Variants in COL19A1 observed in about 807,000 individuals in gnomAD.
COL19A1 encodes collagen alpha-1(XIX) chain.
A neutral mutation model predicts 190.2 loss-of-function variants in COL19A1; 159 were observed. The observed-to-expected ratio is 0.84, with a 90% confidence interval of 0.73 to 0.95. The LOEUF (loss-of-function observed/expected upper bound fraction) is 0.95, where lower values mean the gene tolerates loss of function less well. Ranked by LOEUF, COL19A1 falls within the 40% of genes least tolerant of loss-of-function variation. The probability of loss-of-function intolerance (pLI) is 0.00; values close to 1 mark genes in which losing one functional copy is unlikely to be tolerated. For missense variants in COL19A1, 1,418 were observed against 1,431.9 expected, an observed-to-expected ratio of 0.99 and a Z score of 0.16; for synonymous variants, 509 against 458.9, an observed-to-expected ratio of 1.11 and a Z score of -1.39.
chr6:70,200,832 T>C (rs1260064110), intron 49 of COL19A1, among the ~76,000 whole-genome samples: 1 of 152,182 alleles, frequency 6.6e-6, no homozygotes, highest in Non-Finnish European at 1.5e-5. Flanking sequence ...CCTATGACCA[T>C]GATTGCCAAG....
At position 70,107,617 on chromosome 6, in the gene COL19A1, T is replaced by A. The variant is rs144479914; in HGVS notation, c.1278+5395T>A. Among the ~76,000 whole-genome samples the A allele has an allele frequency of 2.0e-3, 299 of 152,314 alleles. 3 individuals are homozygous for A. Among genetic ancestry groups the A allele is most frequent in the African/African-American group, 6.9e-3 (288 of 41,586 alleles). The stretch of plus-strand genomic sequence containing the variant: ...CAATCAGTAATTAAACCAACACTTC[T>A]TTTCTCTCTTTACAGTTCTCCAAAA... On this transcript the variant is annotated intron_variant, in intron 16 of 50. Coordinates refer to ENST00000620364, the MANE Select transcript of COL19A1 (RefSeq NM_001858.6).
In COL19A1 at chr6:70,158,681, A is replaced by G. The variant is rs1183047460; in HGVS notation, c.2292+1958A>G. Reference sequence around the variant, plus strand: ...AATATCTTGGGATAATAATTGATAAATTAGACATGAAAAATATCATCAGCC... The same window carrying G: ...AATATCTTGGGATAATAATTGATAAGTTAGACATGAAAAATATCATCAGCC... On this transcript the variant is annotated intron_variant, in intron 34 of 50. Coordinates refer to ENST00000620364, the MANE Select transcript of COL19A1 (RefSeq NM_001858.6). 5.3e-5 allele frequency among the ~76,000 whole-genome samples: 8 copies of G among 152,218 alleles called. No homozygotes were observed. In the South Asian group the frequency reaches 1.7e-3, roughly 32 times the overall value.
intron 14 of COL19A1, among the ~76,000 whole-genome samples, chr6:70,051,612 A>G (rs1780206314): frequency 6.6e-6 from 1 of 152,160 alleles, no homozygotes; most frequent in Admixed American, 6.6e-5. Flanking sequence ...AAGCAAATCT[A>G]TCCTTGCTTT....
At chr6:69,921,453 A>G in intron 4 of COL19A1, among the ~76,000 whole-genome samples, 1 of 123,162 alleles carries the variant, frequency 8.1e-6, no homozygotes, top group South Asian at 2.4e-4. Flanking sequence ...ATCATATATC[A>G]TATATATCAT....
At chr6:70,023,744 G>T in intron 12 of COL19A1, 64 bp downstream of exon 12, 1 of 1,463,286 alleles carries the variant, frequency 6.8e-7, no homozygotes. Flanking sequence ...GCTATTTAAT[G>T]CTATTAAGAT....
intron 4 of COL19A1, among the ~76,000 whole-genome samples, chr6:69,907,212 C>T (rs1475163199): frequency 1.3e-5 from 2 of 151,248 alleles, no homozygotes; most frequent in African/African-American, 4.9e-5. Flanking sequence ...TCACTGCAAC[C>T]TCCACCTCCC....
chr6:70,117,771 A>G (rs111756389), intron 16 of COL19A1, among the ~76,000 whole-genome samples: 114 of 152,330 alleles, frequency 7.5e-4, no homozygotes, highest in African/African-American at 2.7e-3. Flanking sequence ...TCCCATACAA[A>G]TAGAGTGAAG....
chr6:70,116,066 A>G (rs1190984854), intron 16 of COL19A1, among the ~76,000 whole-genome samples: 2 of 152,104 alleles, frequency 1.3e-5, no homozygotes, highest in East Asian at 1.9e-4. Context: ...TCTAAAGAAC[A>G]TTATTGATTT....
chr6:70,104,400 T>G (rs1308864963), intron 16 of COL19A1, among the ~76,000 whole-genome samples: 2 of 152,082 alleles, frequency 1.3e-5, no homozygotes, highest in African/African-American at 2.4e-5. Flanking sequence ...AGAGCGAGTG[T>G]GAAGCGGGAA....
intron 15 of COL19A1, among the ~76,000 whole-genome samples, chr6:70,084,526 ATC>A (rs1488068495): frequency 6.6e-6 from 1 of 152,232 alleles, no homozygotes. Context: ...GTAGAGGAAA[ATC>A]AGTGTCGTCA....
At chr6:70,181,418 C>T (rs1766166022) in intron 44 of COL19A1, among the ~76,000 whole-genome samples, 1 of 152,072 alleles carries the variant, frequency 6.6e-6, no homozygotes, top group South Asian at 2.1e-4. Context: ...ATTTCCAGTG[C>T]CTGGCTATGG....
chr6:69,973,578 C>G (rs1359139608), intron 11 of COL19A1, among the ~76,000 whole-genome samples: 1 of 151,822 alleles, frequency 6.6e-6, no homozygotes, highest in Non-Finnish European at 1.5e-5. Flanking sequence ...GAGGTTTATA[C>G]ACACAGGGTT....
rs539984185 is a variant in COL19A1, at chr6:69,952,468, G to A, written c.937-7528G>A. ...ATCAAAAACAAAATTGTTTAACTTA[G>A]TACCATGGCTTTATAAAAATATAAA... On this transcript the variant is annotated intron_variant, in intron 9 of 50. Transcript: ENST00000620364. 7.9e-5 allele frequency among the ~76,000 whole-genome samples: 12 copies of A among 151,366 alleles called. No individual in the cohort carries two copies. The South Asian group carries it at 8.4e-4, about 11-fold the overall frequency.
At chr6:70,053,838 C>A (rs1192472753) in intron 14 of COL19A1, among the ~76,000 whole-genome samples, 1 of 152,060 alleles carries the variant, frequency 6.6e-6, no homozygotes, top group Non-Finnish European at 1.5e-5. Context: ...TTATTTAGTG[C>A]ATGTATTACC....
At chr6:70,174,005 A>G (rs1765655768) in intron 41 of COL19A1, among the ~76,000 whole-genome samples, 1 of 152,156 alleles carries the variant, frequency 6.6e-6, no homozygotes, top group African/African-American at 2.4e-5. Flanking sequence ...AGGATAGTTT[A>G]TCTACAGTAA....
intron 49 of COL19A1, among the ~76,000 whole-genome samples, chr6:70,204,971 TA>T (rs1767771324): frequency 1.3e-5 from 2 of 152,172 alleles, no homozygotes; most frequent in Non-Finnish European, 2.9e-5. Context: ...TCACATACGT[TA>T]AATGAAAGTC....
intron 4 of COL19A1, among the ~76,000 whole-genome samples, chr6:69,916,675 G>A (rs1771330416): frequency 6.6e-6 from 1 of 152,168 alleles, no homozygotes; most frequent in Non-Finnish European, 1.5e-5. Context: ...ATATTATAGT[G>A]TGATTGTAAA....
chr6:70,125,491 C>T (rs1165369563), intron 17 of COL19A1, among the ~76,000 whole-genome samples: 4 of 152,148 alleles, frequency 2.6e-5, no homozygotes, highest in Non-Finnish European at 5.9e-5. Flanking sequence ...TGATCTTTTC[C>T]TCTGCTATTT....
Position 69,929,528 on chromosome 6 carries a change from C to G in COL19A1, c.494C>G (p.Pro165Arg). 1 of 1,614,010 alleles carries G rather than the reference C, an allele frequency of 6.2e-7. No homozygotes were observed. The highest frequency in any genetic ancestry group is 1.1e-5 in the South Asian group (1 of 91,082). Reference protein sequence around the residue: ...NYIFRNRELRPLFDRQWHKLG... With the variant: ...NYIFRNRELRRLFDRQWHKLG... ...ATTTTTAGAAATCGAGAACTCCGTC[C>G]TTTGTTTGATCGTCAGTGGCACAAA... Residue 165 changes from proline (P) to arginine (R), a missense_variant, in exon 6 of 51, where the codon CCT becomes CGT. Physicochemically the swap from Pro to Arg is moderately radical, Grantham distance 103 (BLOSUM62 -2). Transcript: ENST00000620364.
Sources: allele counts gnomAD v4.1 joint callset (sites outside exome capture counted in the v4.1 genomes callset), GRCh38; gene constraint gnomAD v4.1.1; transcripts MANE v1.5; gene names NCBI Gene and HGNC (gene_info 2026-07-23, HGNC 2026-07-21).